Variants in CNTN5 observed in about 807,000 individuals in gnomAD.
The protein encoded by CNTN5 is contactin 5, also known as contactin-5.
A neutral mutation model predicts 129.1 loss-of-function variants in CNTN5; 77 were observed. The ratio of observed to expected loss-of-function variants is 0.60; its 90% CI spans 0.50 to 0.72. The LOEUF (loss-of-function observed/expected upper bound fraction) is 0.72, where lower values mean the gene tolerates loss of function less well. Among genes scored for constraint, CNTN5 ranks in the 30% least tolerant of loss-of-function variants. CNTN5 has a pLI of 0.00. For missense variants in CNTN5, 1,478 were observed against 1,328.8 expected, an observed-to-expected ratio of 1.11 and a Z score of -1.75; for synonymous variants, 509 against 465.6, an observed-to-expected ratio of 1.09 and a Z score of -1.20.
chr11:99,691,716 TG>T (rs1441147686), intron 3 of CNTN5, among the ~76,000 whole-genome samples: 1 of 152,124 alleles, frequency 6.6e-6, no homozygotes, highest in Non-Finnish European at 1.5e-5. Flanking sequence ...ATGAGAAGAA[TG>T]TATATTCTGT....
intron 7 of CNTN5, among the ~76,000 whole-genome samples, chr11:99,930,796 A>AACAC (rs59103010): frequency 0.16 from 23,263 of 149,404 alleles, 2,613 homozygotes; most frequent in East Asian, 0.52. Flanking sequence ...CATACACACA[A>AACAC]ACACACACAC....
intron 3 of CNTN5, among the ~76,000 whole-genome samples, chr11:99,587,566 T>C (rs1949838149): frequency 6.6e-6 from 1 of 152,020 alleles, no homozygotes. Flanking sequence ...GGGAATCATA[T>C]GTGTGGCTGC....
chr11:100,263,199 T>C (rs1950238653), intron 17 of CNTN5, among the ~76,000 whole-genome samples: 1 of 152,194 alleles, frequency 6.6e-6, no homozygotes, highest in Non-Finnish European at 1.5e-5. Context: ...AGAGAATCTT[T>C]AGAAGCAATT....
At chr11:99,352,918 T>A (rs1258109689) in intron 2 of CNTN5, among the ~76,000 whole-genome samples, 1 of 152,136 alleles carries the variant, frequency 6.6e-6, no homozygotes, top group Non-Finnish European at 1.5e-5. Flanking sequence ...TGTCAATGCA[T>A]AGAGATGGCT....
At chr11:99,794,049 C>T (rs1945846827) in intron 3 of CNTN5, among the ~76,000 whole-genome samples, 2 of 152,230 alleles carry the variant, frequency 1.3e-5, no homozygotes, top group South Asian at 4.1e-4. Context: ...TGGTTATCTG[C>T]ATCTCTCCAT....
chr11:100,112,096 A>G (rs1473338219), intron 13 of CNTN5, among the ~76,000 whole-genome samples: 1 of 152,208 alleles, frequency 6.6e-6, no homozygotes, highest in East Asian at 1.9e-4. Context: ...AGGTGTGGCC[A>G]TATGACGTGC....
intron 2 of CNTN5, among the ~76,000 whole-genome samples, chr11:99,420,504 G>A (rs990292531): frequency 1.3e-5 from 2 of 152,076 alleles, no homozygotes; most frequent in Non-Finnish European, 1.5e-5. Context: ...CTCTAGTGTT[G>A]TCATAAAAAG....
chr11:99,988,851 T>G (rs11222224), intron 8 of CNTN5, among the ~76,000 whole-genome samples: 4 of 150,028 alleles, frequency 2.7e-5, no homozygotes, highest in African/African-American at 4.9e-5. Context: ...GTGTGTGTGT[T>G]TGTGTGTGTG....
At chr11:100,336,704 T>C (rs1222475391) in intron 21 of CNTN5, among the ~76,000 whole-genome samples, 1 of 152,168 alleles carries the variant, frequency 6.6e-6, no homozygotes, top group Non-Finnish European at 1.5e-5. Context: ...GCATGTGACT[T>C]GTGAATATTG....
intron 21 of CNTN5, among the ~76,000 whole-genome samples, chr11:100,334,151 T>C (rs1410492148): frequency 6.6e-6 from 1 of 152,132 alleles, no homozygotes; most frequent in Non-Finnish European, 1.5e-5. Context: ...AAAGAAGATA[T>C]GCAAACTGCC....
At chr11:99,852,971 G>A (rs1947921018) in intron 6 of CNTN5, among the ~76,000 whole-genome samples, 1 of 152,088 alleles carries the variant, frequency 6.6e-6, no homozygotes, top group Admixed American at 6.5e-5. Flanking sequence ...TGATAAAATA[G>A]CAACATATCA....
At chr11:100,110,862 C>A (rs1945634544) in intron 13 of CNTN5, among the ~76,000 whole-genome samples, 1 of 152,068 alleles carries the variant, frequency 6.6e-6, no homozygotes, top group Non-Finnish European at 1.5e-5. Flanking sequence ...AATGGTAAGC[C>A]TCTGGTAGCA....
chr11:100,023,784 T>C (rs1941280807), intron 9 of CNTN5, among the ~76,000 whole-genome samples: 1 of 152,192 alleles, frequency 6.6e-6, no homozygotes. Context: ...GTTGGCCTTT[T>C]TAAATTTAGT....
At chr11:99,121,819 A>G (rs1006427634) in intron 1 of CNTN5, among the ~76,000 whole-genome samples, 1 of 152,156 alleles carries the variant, frequency 6.6e-6, no homozygotes, top group African/African-American at 2.4e-5. Flanking sequence ...TTACTTATGG[A>G]CATATTAAGC....
chr11:99,216,951 G>T (rs1160400294), intron 1 of CNTN5, among the ~76,000 whole-genome samples: 1 of 152,070 alleles, frequency 6.6e-6, no homozygotes, highest in African/African-American at 2.4e-5. Flanking sequence ...TTGGGAGGCC[G>T]AGGCAGGCAA....
chr11:100,285,546 G>A lies in CNTN5; in HGVS notation c.2315-12079G>A, dbSNP rs545559883. ...TTCTCAATATGTAGCCATTTTCTTTGGTTCTTGTAGCACAGACAAGGCGAA... is the reference window on the plus strand; with the variant it reads ...TTCTCAATATGTAGCCATTTTCTTTAGTTCTTGTAGCACAGACAAGGCGAA... On this transcript the variant is annotated intron_variant, in intron 18 of 24. Transcript: ENST00000524871. Among the ~76,000 whole-genome samples, 71 of 152,226 alleles carry A rather than the reference G, an allele frequency of 4.7e-4. 1 individual carries two copies. The highest frequency in any genetic ancestry group is 1.6e-3 in the African/African-American group (67 of 41,524).
At chr11:99,342,034 A>G (rs910503464) in intron 2 of CNTN5, among the ~76,000 whole-genome samples, 9 of 152,250 alleles carry the variant, frequency 5.9e-5, no homozygotes, top group Non-Finnish European at 1.3e-4. Flanking sequence ...CCTGCTTAAT[A>G]AAATAATAAG....
intron 1 of CNTN5, among the ~76,000 whole-genome samples, chr11:99,293,698 T>G (rs576724305): frequency 6.6e-6 from 1 of 152,240 alleles, no homozygotes; most frequent in Non-Finnish European, 1.5e-5. Flanking sequence ...TTTCCATTTT[T>G]TTGGTGTACG....
intron 3 of CNTN5, among the ~76,000 whole-genome samples, chr11:99,627,843 A>G (rs535693956): frequency 6.6e-6 from 1 of 151,560 alleles, no homozygotes; most frequent in East Asian, 1.9e-4. Context: ...TATTTATCTC[A>G]GGATTCCCCA....
Sources: gnomAD v4.1 joint callset for allele counts (sites outside exome capture counted in the v4.1 genomes callset) on GRCh38, gnomAD v4.1.1 for gene constraint, MANE v1.5 for transcripts, NCBI Gene and HGNC (gene_info 2026-07-23, HGNC 2026-07-21) for gene names.